AP1S3: variants seen among roughly 807,000 people sequenced by gnomAD.
The protein encoded by AP1S3 is AP-1 complex subunit sigma-3.
A neutral mutation model predicts 20.9 loss-of-function variants in AP1S3; 10 were observed. The observed-to-expected ratio is 0.48, with a 90% CI of 0.29 to 0.81. The LOEUF is 0.81. Ranked by LOEUF, AP1S3 falls within the 30% of genes least tolerant of loss-of-function variation. AP1S3 has a pLI of 0.08. For missense variants in AP1S3, 154 were observed against 183.8 expected, an observed-to-expected ratio of 0.84 and a Z score of 0.94; for synonymous variants, 41 against 61.5, an observed-to-expected ratio of 0.67 and a Z score of 1.56.
chr2:223,758,646 C>G lies in AP1S3; in HGVS notation c.*69G>C. The stretch of plus-strand genomic sequence containing the variant: ...GGTGCCTGAGGCTCCATCAAAAAAC[C>G]GGATGGGAGGCGTTGCTTATTTACA... On this transcript the variant is annotated 3_prime_UTR_variant, in exon 5 of 5. Transcript: ENST00000396654. 6.8e-7 allele frequency: 1 copy of G among 1,472,862 alleles called. No homozygotes were observed. The allele number at this position is 1,472,862 out of a possible 1,614,324, so 91.2% of individuals were successfully genotyped here.
At chr2:223,792,614 A>G (rs1252899798) in intron 1 of AP1S3, among the ~76,000 whole-genome samples, 1 of 152,206 alleles carries the variant, frequency 6.6e-6, no homozygotes, top group African/African-American at 2.4e-5. Flanking sequence ...CCAAAACTAT[A>G]GAAACCATAG....
intron 1 of AP1S3, among the ~76,000 whole-genome samples, chr2:223,824,758 C>T (rs1380360077): frequency 6.6e-6 from 1 of 152,144 alleles, no homozygotes. Context: ...CTGGTCTCAA[C>T]TCCTGACATC....
intron 1 of AP1S3, among the ~76,000 whole-genome samples, chr2:223,803,650 T>G (rs57633457): frequency 6.6e-6 from 1 of 151,968 alleles, no homozygotes; most frequent in Non-Finnish European, 1.5e-5. Context: ...GAGGCTGAGG[T>G]GGGCGAATCA....
chr2:223,833,898 ATT>A (rs1450553384), intron 1 of AP1S3, among the ~76,000 whole-genome samples: 43 of 150,984 alleles, frequency 2.8e-4, no homozygotes, highest in African/African-American at 1.0e-3. Flanking sequence ...TTATTTATTT[ATT>A]TATTTATTTA....
intron 3 of AP1S3, chr2:223,770,391 A>T: frequency 6.5e-7 from 1 of 1,542,016 alleles, no homozygotes; most frequent in Non-Finnish European, 8.8e-7. Context: ...CCACTTTGAC[A>T]CGTCCCCAGG....
chr2:223,824,951 G>A (rs991442200), intron 1 of AP1S3, among the ~76,000 whole-genome samples: 2 of 152,062 alleles, frequency 1.3e-5, no homozygotes, highest in Non-Finnish European at 1.5e-5. Context: ...TACATAATTC[G>A]TTAGTGGGAT....
chr2:223,779,359 C>T (rs976719318), intron 1 of AP1S3, among the ~76,000 whole-genome samples: 1 of 152,020 alleles, frequency 6.6e-6, no homozygotes, highest in Non-Finnish European at 1.5e-5. Flanking sequence ...GCCTCGGCAA[C>T]ATAGTGAGAC....
At chr2:223,792,138 G>GA (rs1691228367) in intron 1 of AP1S3, among the ~76,000 whole-genome samples, 1 of 152,068 alleles carries the variant, frequency 6.6e-6, no homozygotes, top group Admixed American at 6.6e-5. Flanking sequence ...CACAGAATTA[G>GA]AAAAAACTAT....
chr2:223,768,354 C>T (rs1225272727), intron 3 of AP1S3, among the ~76,000 whole-genome samples: 1 of 152,182 alleles, frequency 6.6e-6, no homozygotes, highest in Non-Finnish European at 1.5e-5. Flanking sequence ...CCCCACATCC[C>T]CTTTTCCCCA....
chr2:223,799,086 G>C (rs1691410997), intron 1 of AP1S3, among the ~76,000 whole-genome samples: 1 of 152,100 alleles, frequency 6.6e-6, no homozygotes, highest in Admixed American at 6.6e-5. Flanking sequence ...TAAAAAGAGA[G>C]AGAGGGAGAT....
intron 4 of AP1S3, among the ~76,000 whole-genome samples, chr2:223,762,499 G>C (rs561083753): frequency 6.6e-6 from 1 of 151,986 alleles, no homozygotes; most frequent in Non-Finnish European, 1.5e-5. Flanking sequence ...CCTCGAACTC[G>C]TGGCCTCAAG....
intron 3 of AP1S3, among the ~76,000 whole-genome samples, chr2:223,775,089 T>C (rs1164078791): frequency 6.6e-6 from 1 of 152,150 alleles, no homozygotes; most frequent in Non-Finnish European, 1.5e-5. Context: ...GGTCCAGTGC[T>C]GCAGCGAGAA....
At chr2:223,770,859 C>T (rs970889124) in intron 3 of AP1S3, among the ~76,000 whole-genome samples, 33 of 151,152 alleles carry the variant, frequency 2.2e-4, no homozygotes, top group Non-Finnish European at 3.8e-4. Flanking sequence ...TCCCAAGTAG[C>T]TGCGATTACA....
intron 3 of AP1S3, 120 bp downstream of exon 3, chr2:223,775,781 G>GT: frequency 1.3e-6 from 1 of 748,268 alleles, no homozygotes; most frequent in South Asian, 1.8e-5. Flanking sequence ...GTGATCTTCG[G>GT]TTCAAGTTCA....
chr2:223,773,461 CT>C, intron 3 of AP1S3: 1 of 1,137,834 alleles, frequency 8.8e-7, no homozygotes, highest in Non-Finnish European at 1.2e-6. Flanking sequence ...CAAATTTCTC[CT>C]TAAAAAAATG....
At chr2:223,772,713 A>T (rs1559277826) in intron 3 of AP1S3, among the ~76,000 whole-genome samples, 1 of 152,234 alleles carries the variant, frequency 6.6e-6, no homozygotes, top group African/African-American at 2.4e-5. Context: ...TGTCTTCAGC[A>T]GATAATATTT....
At chr2:223,822,965 G>C (rs545879609) in intron 1 of AP1S3, among the ~76,000 whole-genome samples, 54 of 152,036 alleles carry the variant, frequency 3.6e-4, no homozygotes, top group African/African-American at 1.3e-3. Flanking sequence ...ATATACAGAT[G>C]GCCAACCAGT....
intron 1 of AP1S3, among the ~76,000 whole-genome samples, chr2:223,815,571 T>C (rs1203065363): frequency 4.6e-5 from 7 of 152,186 alleles, no homozygotes; most frequent in African/African-American, 1.4e-4. Flanking sequence ...CAACCAAACT[T>C]GTGAACCCTG....
chr2:223,789,532 T>C (rs1230822972), intron 1 of AP1S3, among the ~76,000 whole-genome samples: 1 of 151,708 alleles, frequency 6.6e-6, no homozygotes, highest in Non-Finnish European at 1.5e-5. Flanking sequence ...GGAAAATTAA[T>C]GGAAAATATA....
Sources: allele counts gnomAD v4.1 joint callset (sites outside exome capture counted in the v4.1 genomes callset), GRCh38; gene constraint gnomAD v4.1.1; transcripts MANE v1.5; gene names NCBI Gene and HGNC (gene_info 2026-07-23, HGNC 2026-07-21).